The following FRRS1L variants were observed in gnomAD, a reference collection of about 807,000 sequenced individuals.
FRRS1L encodes the protein ferric chelate reductase 1 like, also known as DOMON domain-containing protein FRRS1L.
A neutral mutation model predicts 28.6 loss-of-function variants in FRRS1L; 22 were observed. The observed-to-expected ratio is 0.77, with a 90% CI of 0.55 to 1.10. The LOEUF (loss-of-function observed/expected upper bound fraction) is 1.10. Ranked by LOEUF, FRRS1L falls within the 50% of genes least tolerant of loss-of-function variation. The pLI is 0.00. For missense variants in FRRS1L, 380 were observed against 386.9 expected (o/e 0.98, Z 0.15); for synonymous variants, 158 against 151.4 (o/e 1.04, Z -0.32).
chr9:109,147,267 G>T, intron 2 of FRRS1L, 78 bp from the exon 3 acceptor site: 1 of 1,192,694 alleles, frequency 8.4e-7, no homozygotes, highest in Non-Finnish European at 1.2e-6. Context: ...CATGTATCAT[G>T]TGGGATGCTA....
intron 2 of FRRS1L, chr9:109,147,521 A>G (rs1341379733): frequency 1.0e-5 from 2 of 192,252 alleles, no homozygotes; most frequent in African/African-American, 2.3e-5. Context: ...AGTCTTTTAC[A>G]TGTTAGTTAC....
intron 1 of FRRS1L, among the ~76,000 whole-genome samples, chr9:109,160,685 C>T (rs898986753): frequency 5.9e-5 from 9 of 151,960 alleles, no homozygotes; most frequent in Non-Finnish European, 2.9e-5. Flanking sequence ...TTATTCCTAC[C>T]TCAGAAACCA....
chr9:109,153,381 G>T (rs1831360866), intron 1 of FRRS1L, among the ~76,000 whole-genome samples: 1 of 152,160 alleles, frequency 6.6e-6, no homozygotes, highest in Non-Finnish European at 1.5e-5. Context: ...TCTGGACACT[G>T]CGGCCCAGTG....
intron 3 of FRRS1L, 56 bp from the exon 4 acceptor site, chr9:109,141,645 T>G: frequency 6.4e-7 from 1 of 1,552,630 alleles, no homozygotes; most frequent in South Asian, 1.2e-5. Context: ...TTTTGCACAC[T>G]GGTCACTAGA....
intron 4 of FRRS1L, chr9:109,137,970 T>TA (rs74928956): frequency 0.68 from 105,048 of 155,292 alleles, 35,908 homozygotes; most frequent in East Asian, 0.75. Context: ...AAAACGGCTC[T>TA]ATGAGTTTTG....
At chr9:109,157,679 C>T (rs1564234821) in intron 1 of FRRS1L, among the ~76,000 whole-genome samples, 1 of 152,124 alleles carries the variant, frequency 6.6e-6, no homozygotes, top group African/African-American at 2.4e-5. Flanking sequence ...TTTTCAATAC[C>T]AAGGGTGGTA....
chr9:109,142,814 A>T (rs1349089101), intron 3 of FRRS1L, among the ~76,000 whole-genome samples: 3 of 81,316 alleles, frequency 3.7e-5, no homozygotes, highest in African/African-American at 1.2e-4. Flanking sequence ...CTCAAAAAAT[A>T]AAAATAAAAA....
intron 3 of FRRS1L, among the ~76,000 whole-genome samples, chr9:109,143,040 C>T (rs1400655433): frequency 2.6e-5 from 4 of 151,920 alleles, no homozygotes; most frequent in Admixed American, 1.3e-4. Flanking sequence ...AGAGTTTGGT[C>T]GGGTGTGATG....
At chr9:109,147,508 T>C (rs1831279695) in intron 2 of FRRS1L, 1 of 213,424 alleles carries the variant, frequency 4.7e-6, no homozygotes, top group African/African-American at 2.3e-5. Context: ...ATATTAGTAT[T>C]AGAGTCTTTT....
rs1831069266 is a variant in FRRS1L at position 109,132,479 on chromosome 9, G to A, written c.*4976C>T. On this transcript the variant is annotated 3_prime_UTR_variant, in exon 5 of 5. Transcript: ENST00000561981. ...ATATTAGAATGCAAGAGCATGAGATGCCCTGTGCCATTTATTTATAAAAAT... is the reference window on the plus strand; with the variant it reads ...ATATTAGAATGCAAGAGCATGAGATACCCTGTGCCATTTATTTATAAAAAT... 6.6e-6 allele frequency: 1 copy of A among 152,174 alleles called. No homozygotes were observed. Among genetic ancestry groups the A allele is most frequent in the South Asian group, 2.1e-4 (1 of 4,830 alleles). The allele number at this position is 152,174 out of a possible 1,614,324, so 9.4% of individuals were successfully genotyped here. A position where few individuals can be genotyped will look rare whatever the true frequency, so the allele number is the denominator to read the frequency against.
intron 3 of FRRS1L, among the ~76,000 whole-genome samples, chr9:109,145,215 G>A (rs546199340): frequency 6.6e-6 from 1 of 152,334 alleles, no homozygotes; most frequent in East Asian, 1.9e-4. Context: ...ACGCAGCAAG[G>A]CACAGGGAAG....
intron 3 of FRRS1L, among the ~76,000 whole-genome samples, chr9:109,145,482 G>C (rs1379060801): frequency 6.6e-6 from 1 of 152,224 alleles, no homozygotes; most frequent in Non-Finnish European, 1.5e-5. Flanking sequence ...CAGATTGCTT[G>C]AGGCCAGGAG....
chr9:109,161,942 T>C (rs893747011), intron 1 of FRRS1L, among the ~76,000 whole-genome samples: 1 of 152,182 alleles, frequency 6.6e-6, no homozygotes, highest in Non-Finnish European at 1.5e-5. Context: ...ATGGTGGCAC[T>C]CCACTGCTTA....
intron 2 of FRRS1L, among the ~76,000 whole-genome samples, chr9:109,148,943 C>T (rs1325473634): frequency 6.6e-6 from 1 of 152,140 alleles, no homozygotes; most frequent in African/African-American, 2.4e-5. Flanking sequence ...CTTCTTAGAC[C>T]TTAAGTACTG....
chr9:109,147,202 T>C lies in FRRS1L; in HGVS notation c.324-13A>G. On this transcript the variant is annotated splice_polypyrimidine_tract_variant and intron_variant, in intron 2 of 4. Coordinates refer to ENST00000561981, the MANE Select transcript of FRRS1L (RefSeq NM_014334.4). ...TGGTTTGCCATATCTAGAAGAGATA[T>C]CGAAAGAGACTTTACTGCTTCTACT... 1 of 1,608,864 alleles carries C rather than the reference T, an allele frequency of 6.2e-7. No individual in the cohort carries two copies. Among genetic ancestry groups the C allele is most frequent in the Admixed American group, 1.7e-5 (1 of 59,856 alleles).
chr9:109,162,603 G>A (rs1056343078), intron 1 of FRRS1L, among the ~76,000 whole-genome samples: 45 of 152,156 alleles, frequency 3.0e-4, no homozygotes, highest in African/African-American at 1.0e-3. Context: ...ACCCTAAAGC[G>A]GGGCCTGCTG....
rs556206235 is a variant in FRRS1L, at chr9:109,147,352, C to T, written c.324-163G>A. The T allele has an allele frequency of 1.7e-4, 102 of 612,616 alleles. 3 individuals are homozygous for T. Among genetic ancestry groups the T allele is most frequent in the Middle Eastern group, 1.3e-3 (3 of 2,268 alleles). 37.9% of individuals were successfully genotyped at this position (612,616 alleles called of 1,614,324 possible). A position where few individuals can be genotyped will look rare whatever the true frequency, so the allele number is the denominator to read the frequency against. Reference sequence around the variant, plus strand: ...CACAGTTTCACTCTCTTAGGAGGAACCTTAGAGATGATCTGCCCCACTTTG... The same window carrying T: ...CACAGTTTCACTCTCTTAGGAGGAATCTTAGAGATGATCTGCCCCACTTTG... On this transcript the variant is annotated intron_variant, in intron 2 of 4. Transcript: ENST00000561981.
In FRRS1L at chr9:109,133,116, G is replaced by A. The variant is rs1228400916; in HGVS notation, c.*4339C>T. ...ACAAAAGCCAACTTAATTAAATACA[G>A]CTTCTGCATTCTATCTGAAATCATG... On this transcript the variant is annotated 3_prime_UTR_variant, in exon 5 of 5. Coordinates refer to ENST00000561981, the MANE Select transcript of FRRS1L (RefSeq NM_014334.4). 1 of 152,142 alleles carries A rather than the reference G, an allele frequency of 6.6e-6. No individual in the cohort carries two copies. Among genetic ancestry groups the A allele is most frequent in the Non-Finnish European group, 1.5e-5 (1 of 68,028 alleles). 9.4% of individuals were successfully genotyped at this position (152,142 alleles called of 1,614,324 possible). A position where few individuals can be genotyped will look rare whatever the true frequency, so the allele number is the denominator to read the frequency against.
At chr9:109,154,217 T>C (rs1831375459) in intron 1 of FRRS1L, among the ~76,000 whole-genome samples, 1 of 152,212 alleles carries the variant, frequency 6.6e-6, no homozygotes, top group Non-Finnish European at 1.5e-5. Context: ...GACCTTTTTA[T>C]AATCTCAAGC....
Sources: allele counts gnomAD v4.1 joint callset (sites outside exome capture counted in the v4.1 genomes callset), GRCh38; gene constraint gnomAD v4.1.1; transcripts MANE v1.5; gene names NCBI Gene and HGNC (gene_info 2026-07-23, HGNC 2026-07-21).